The following C4orf51 variants were observed in gnomAD, a reference collection of about 807,000 sequenced individuals.
C4orf51 encodes uncharacterized protein C4orf51.
Under a neutral mutation model 25.2 loss-of-function variants are expected in C4orf51, and 25 were observed. The ratio of observed to expected loss-of-function variants is 0.99; its 90% CI spans 0.72 to 1.39. The LOEUF (loss-of-function observed/expected upper bound fraction) is 1.39. Ranked by LOEUF, C4orf51 falls within the 40% of genes most tolerant of loss-of-function variation. The pLI is 0.00. For synonymous variants in C4orf51, 100 were observed against 84.5 expected (o/e 1.18, Z -1.01); for missense variants, 252 against 239.6 (o/e 1.05, Z -0.34).
the C4orf51 span, chr4:145,779,324 A>C: frequency 6.3e-7 from 1 of 1,586,382 alleles, no homozygotes; most frequent in African/African-American, 1.4e-5. Flanking sequence ...AGAGTAAAGA[A>C]GTTGGTGATG....
At chr4:145,712,873 G>A (rs577973164) in intron 2 of C4orf51, among the ~76,000 whole-genome samples, 1 of 152,172 alleles carries the variant, frequency 6.6e-6, no homozygotes, top group Admixed American at 6.5e-5. Context: ...TCTTGTTAGG[G>A]GATAATGCAG....
chr4:145,682,534 G>C (rs1035927873), intron 1 of C4orf51, among the ~76,000 whole-genome samples: 1 of 152,028 alleles, frequency 6.6e-6, no homozygotes, highest in Non-Finnish European at 1.5e-5. Flanking sequence ...ATTTAAAGTG[G>C]GTTAAGTCAG....
At chr4:145,771,620 AG>A (rs1736298856), downstream of C4orf51, among the ~76,000 whole-genome samples, 1 of 152,224 alleles carries the variant, frequency 6.6e-6, no homozygotes, top group Non-Finnish European at 1.5e-5. Context: ...GAAGGTGAGG[AG>A]GGATCACTAA....
intron 2 of C4orf51, among the ~76,000 whole-genome samples, chr4:145,701,618 G>A (rs138637197): frequency 0.077 from 11,613 of 151,284 alleles, 566 homozygotes; most frequent in Middle Eastern, 0.14. Flanking sequence ...CCGAGCTTCG[G>A]GTAACTCTCA....
downstream of C4orf51, among the ~76,000 whole-genome samples, chr4:145,775,102 G>A (rs533416852): frequency 6.6e-6 from 1 of 152,110 alleles, no homozygotes; most frequent in Non-Finnish European, 1.5e-5. Context: ...ACCTTCCCTA[G>A]TAGCAATGAA....
chr4:145,731,301 T>C (rs1044464342), intron 5 of C4orf51, among the ~76,000 whole-genome samples: 1 of 152,184 alleles, frequency 6.6e-6, no homozygotes, highest in Non-Finnish European at 1.5e-5. Context: ...CAGCTGCTTC[T>C]CTCTGTAAGG....
At chr4:145,778,962 A>G in the C4orf51 span, among the ~76,000 whole-genome samples, 3 of 152,270 alleles carry the variant, frequency 2.0e-5, no homozygotes, top group East Asian at 5.8e-4. Flanking sequence ...TTTCTCCACA[A>G]TTATACATAA....
At chr4:145,757,613 A>C (rs1734047442), downstream of C4orf51, 1 of 152,084 alleles carries the variant, frequency 6.6e-6, no homozygotes, top group African/African-American at 2.4e-5. Context: ...CCAAAAAAGA[A>C]AAAGAAACAA....
intron 1 of C4orf51, among the ~76,000 whole-genome samples, chr4:145,694,226 G>A (rs1460048656): frequency 4.2e-5 from 6 of 142,804 alleles, no homozygotes; most frequent in Admixed American, 2.8e-4. Flanking sequence ...GGGAAGAGGC[G>A]CTCCTCACTT....
chr4:145,777,420 C>T, the C4orf51 span, among the ~76,000 whole-genome samples: 1 of 152,184 alleles, frequency 6.6e-6, no homozygotes, highest in Non-Finnish European at 1.5e-5. Context: ...AATTTCTGGA[C>T]CTGATGCCTT....
intron 2 of C4orf51, among the ~76,000 whole-genome samples, chr4:145,719,466 G>A (rs1052978885): frequency 6.6e-6 from 1 of 151,680 alleles, no homozygotes; most frequent in African/African-American, 2.4e-5. Flanking sequence ...TTAGCCAGGC[G>A]TGGTTGCGGG....
At chr4:145,777,524 TTC>T in the C4orf51 span, among the ~76,000 whole-genome samples, 1 of 152,218 alleles carries the variant, frequency 6.6e-6, no homozygotes, top group Non-Finnish European at 1.5e-5. Flanking sequence ...ATTTTAGTCA[TTC>T]TGTTTAAATG....
chr4:145,697,505 A>C (rs1448616012), intron 2 of C4orf51, among the ~76,000 whole-genome samples: 1 of 152,244 alleles, frequency 6.6e-6, no homozygotes, highest in East Asian at 1.9e-4. Context: ...CTCTTTGACC[A>C]AAAATTCCCC....
intron 3 of C4orf51, 41 bp downstream of exon 3, chr4:145,727,010 G>C: frequency 1.3e-6 from 2 of 1,497,644 alleles, no homozygotes; most frequent in Non-Finnish European, 9.3e-7. Context: ...CCTGTAGAGA[G>C]CTTAAATTAT....
chr4:145,753,289 C>A (rs112042606), intron 1 of C4orf51, among the ~76,000 whole-genome samples: 36 of 151,646 alleles, frequency 2.4e-4, no homozygotes, highest in Middle Eastern at 3.4e-3. Flanking sequence ...AATATGAATC[C>A]TAGAATAATA....
chr4:145,696,768 C>T, intron 2 of C4orf51, 136 bp downstream of exon 2: 1 of 647,264 alleles, frequency 1.5e-6, no homozygotes. Flanking sequence ...CACTGTGGCT[C>T]ACACCTGTAC....
At chr4:145,704,285 C>A (rs746594742) in intron 2 of C4orf51, among the ~76,000 whole-genome samples, 1 of 152,188 alleles carries the variant, frequency 6.6e-6, no homozygotes, top group Non-Finnish European at 1.5e-5. Context: ...AGACTCTCAA[C>A]CTCTCCTGGA....
In C4orf51 at chr4:145,761,668, T is replaced by C; in HGVS notation, n.167-9320T>C. 1 of 972,156 alleles carries C rather than the reference T, an allele frequency of 1.0e-6. No homozygotes were observed. The highest frequency in any genetic ancestry group is 1.4e-6 in the Non-Finnish European group (1 of 728,634). The allele number at this position is 972,156 out of a possible 1,614,324, so 60.2% of individuals were successfully genotyped here. Reference sequence around the variant, plus strand: ...GGAGGCAGCCGCGCTTCTCGCCGCCTCACCAGCCTTCCCTCACACCACCCC... The same window carrying C: ...GGAGGCAGCCGCGCTTCTCGCCGCCCCACCAGCCTTCCCTCACACCACCCC... On this transcript the variant is annotated intron_variant and non_coding_transcript_variant, in intron 1 of 1. Coordinates refer to the C4orf51 transcript ENST00000510096. This position sits in a 1 kb window ranked among gnomAD's most constrained non-coding sequence, Gnocchi z 6.8.
chr4:145,701,957 T>A (rs1446983606), intron 2 of C4orf51, among the ~76,000 whole-genome samples: 1 of 151,846 alleles, frequency 6.6e-6, no homozygotes, highest in Non-Finnish European at 1.5e-5. Flanking sequence ...CGCGTCTTCC[T>A]CTCATATCCC....
Sources: gnomAD v4.1 joint callset for allele counts (sites outside exome capture counted in the v4.1 genomes callset) on GRCh38, gnomAD v4.1.1 for gene constraint, Gnocchi (gnomAD v3.1) non-coding constraint, MANE v1.5 for transcripts, NCBI Gene and HGNC (gene_info 2026-07-23, HGNC 2026-07-21) for gene names.